TMEM182: variants seen among roughly 807,000 people sequenced by gnomAD.
TMEM182 encodes the protein transmembrane protein 182.
Under a neutral mutation model 26.8 loss-of-function variants are expected in TMEM182, and 20 were observed. The ratio of observed to expected loss-of-function variants is 0.75; its 90% CI spans 0.53 to 1.09. The LOEUF is 1.09. Ranked by LOEUF, TMEM182 falls within the 50% of genes least tolerant of loss-of-function variation. The pLI is 0.00. For synonymous variants in TMEM182, 109 were observed against 102.2 expected (o/e 1.07, Z -0.40); for missense variants, 277 against 275.5 (o/e 1.01, Z -0.04).
downstream of TMEM182, among the ~76,000 whole-genome samples, chr2:102,818,758 C>G (rs62154073): frequency 1.3e-5 from 2 of 151,734 alleles, no homozygotes; most frequent in Admixed American, 1.3e-4. Flanking sequence ...ATCTATCTAT[C>G]TATCTATCTA....
intron 3 of TMEM182, chr2:102,775,389 C>T (rs977225949): frequency 2.4e-4 from 36 of 152,172 alleles, no homozygotes; most frequent in African/African-American, 8.4e-4. Context: ...GGATGTATCT[C>T]AAAATAATAA....
chr2:102,834,739 C>T (rs1683210399), intron 3 of TMEM182, among the ~76,000 whole-genome samples: 1 of 152,178 alleles, frequency 6.6e-6, no homozygotes, highest in African/African-American at 2.4e-5. Flanking sequence ...CCTGCAGGTC[C>T]AGAGCAGTCC....
At chr2:102,770,333 AG>A (rs541340440) in intron 3 of TMEM182, among the ~76,000 whole-genome samples, 47 of 152,282 alleles carry the variant, frequency 3.1e-4, no homozygotes, top group African/African-American at 1.1e-3. Context: ...GTCTTCACCA[AG>A]GGCTCAGCTA....
chr2:102,742,600 C>G (rs530755476), intron 1 of TMEM182, among the ~76,000 whole-genome samples: 8 of 152,000 alleles, frequency 5.3e-5, no homozygotes, highest in African/African-American at 1.7e-4. Flanking sequence ...GGATAAATAC[C>G]AAAAAATCTC....
intron 3 of TMEM182, among the ~76,000 whole-genome samples, chr2:102,828,077 A>G (rs889146766): frequency 2.4e-4 from 36 of 151,996 alleles, no homozygotes; most frequent in Non-Finnish European, 5.3e-4. Context: ...GGCAACAGAG[A>G]CTCCATCTCA....
intron 3 of TMEM182, 37 bp downstream of exon 3, chr2:102,764,464 G>A (rs1220285078): frequency 2.5e-6 from 4 of 1,570,472 alleles, no homozygotes; most frequent in African/African-American, 1.4e-5. Context: ...TTCTAAAAGG[G>A]TCTTATCTTT....
intron 4 of TMEM182, among the ~76,000 whole-genome samples, chr2:102,801,339 CAGAACAA>C (rs1372497143): frequency 6.6e-6 from 1 of 152,050 alleles, no homozygotes; most frequent in Non-Finnish European, 1.5e-5. Flanking sequence ...AGACTGGGCC[CAGAACAA>C]AGACAGCTCT....
intron 1 of TMEM182, among the ~76,000 whole-genome samples, chr2:102,740,323 T>A (rs1378605975): frequency 6.6e-6 from 1 of 152,150 alleles, no homozygotes; most frequent in East Asian, 1.9e-4. Flanking sequence ...TGGAGGTGGT[T>A]ACCTCCATGC....
At chr2:102,791,132 C>T (rs940372628) in intron 3 of TMEM182, among the ~76,000 whole-genome samples, 9 of 152,064 alleles carry the variant, frequency 5.9e-5, no homozygotes, top group African/African-American at 2.2e-4. Flanking sequence ...AACGTAATTT[C>T]ACCATGTTGG....
At chr2:102,786,532 C>T (rs747445653) in intron 3 of TMEM182, among the ~76,000 whole-genome samples, 8 of 152,104 alleles carry the variant, frequency 5.3e-5, no homozygotes, top group East Asian at 1.9e-4. Context: ...TTACTTAGTA[C>T]TCAGGTGTTA....
intron 3 of TMEM182, among the ~76,000 whole-genome samples, chr2:102,765,181 C>G (rs929416003): frequency 1.3e-5 from 2 of 152,016 alleles, no homozygotes; most frequent in Admixed American, 6.6e-5. Flanking sequence ...TGCATGTGCA[C>G]ATACACATAC....
chr2:102,761,018 A>G (rs371480184), upstream of TMEM182, among the ~76,000 whole-genome samples: 2 of 152,308 alleles, frequency 1.3e-5, no homozygotes, highest in East Asian at 3.9e-4. Flanking sequence ...CCATGCCACA[A>G]AAAAGAAGGC....
intron 3 of TMEM182, among the ~76,000 whole-genome samples, chr2:102,838,739 T>G (rs1683295469): frequency 6.6e-6 from 1 of 152,094 alleles, no homozygotes. Flanking sequence ...GGGTAATTGG[T>G]GGAATGGCCT....
chr2:102,775,456 G>T (rs1192586160), intron 3 of TMEM182: 2 of 152,144 alleles, frequency 1.3e-5, no homozygotes, highest in Non-Finnish European at 2.9e-5. Flanking sequence ...AAAACTGGAA[G>T]CATTCCCTTT....
At chr2:102,756,678 T>G (rs536242266) in intron 1 of TMEM182, among the ~76,000 whole-genome samples, 214 of 152,162 alleles carry the variant, frequency 1.4e-3, no homozygotes, top group African/African-American at 4.8e-3. Flanking sequence ...CACTGCACTC[T>G]AGTCTGGGCA....
exon 1 of TMEM182, chr2:102,736,948 C>T (rs112060065): frequency 1.2e-5 from 13 of 1,096,462 alleles, no homozygotes; most frequent in African/African-American, 1.1e-4. Flanking sequence ...TCCGCGGGTG[C>T]GTGGCCGGTG....
chr2:102,817,359 C>T lies in TMEM182; in HGVS notation c.*2391C>T. On this transcript the variant is annotated 3_prime_UTR_variant, in exon 5 of 5. Transcript: ENST00000412401. ...TTTATCAAGGATATCTTTTCAGTTA[C>T]ACTTTTAGAAAGAGTGAATAAAAAG... is the stretch of plus-strand genomic sequence containing the variant. 5 of 985,398 alleles carry T rather than the reference C, an allele frequency of 5.1e-6. No homozygotes were observed. The highest frequency in any genetic ancestry group is 6.0e-6 in the Non-Finnish European group (5 of 829,910). The allele number at this position is 985,398 out of a possible 1,614,324, so 61.0% of individuals were successfully genotyped here.
chr2:102,843,747 C>T (rs193151920), exon 4 of TMEM182: 1 of 152,362 alleles, frequency 6.6e-6, no homozygotes, highest in East Asian at 1.9e-4. Flanking sequence ...AAGTTTCTCT[C>T]CTACTATACC....
chr2:102,837,631 G>A (rs1291406305), intron 3 of TMEM182, among the ~76,000 whole-genome samples: 1 of 152,138 alleles, frequency 6.6e-6, no homozygotes, highest in East Asian at 1.9e-4. Context: ...TAAAGTAATG[G>A]TGGATACCAG....
Sources: allele counts gnomAD v4.1 joint callset (sites outside exome capture counted in the v4.1 genomes callset), GRCh38; gene constraint gnomAD v4.1.1; transcripts MANE v1.5; gene names NCBI Gene and HGNC (gene_info 2026-07-23, HGNC 2026-07-21).